GRM7: variants seen among roughly 807,000 people sequenced by gnomAD.
GRM7 encodes the protein metabotropic glutamate receptor 7.
In GRM7, 35 loss-of-function variants were observed where a neutral mutation model predicts 84.5. The ratio of observed to expected loss-of-function variants is 0.41; its 90% CI spans 0.32 to 0.55. GRM7 has a LOEUF of 0.55. Ranked by LOEUF, GRM7 falls within the 20% of genes least tolerant of loss-of-function variation. The pLI is 0.19. For synonymous variants in GRM7, 487 were observed against 455.1 expected, an observed-to-expected ratio of 1.07 and a Z score of -0.89; for missense variants, 1,003 against 1,194.6, an observed-to-expected ratio of 0.84 and a Z score of 2.36.
Position 7,665,366 on chromosome 3 carries a change from G to A in GRM7, c.2452-14683G>A, listed in dbSNP as rs1367235190. On this transcript the variant is annotated intron_variant, in intron 8 of 9. Coordinates refer to ENST00000357716, the MANE Select transcript of GRM7 (RefSeq NM_000844.4). ...TTTTTTTTGTATTTTTAGTAGAGAC[G>A]GGGTTTCACCGTGTTAGCCAGGATG... 5.3e-5 allele frequency among the ~76,000 whole-genome samples: 8 copies of A among 151,574 alleles called. No individual in the cohort carries two copies. In the East Asian group the frequency reaches 5.8e-4, roughly 11 times the overall value.
In GRM7 at chr3:7,360,137, C is replaced by G. The variant is rs569744410; in HGVS notation, c.1033+53485C>G. 4.9e-3 allele frequency among the ~76,000 whole-genome samples: 667 copies of G among 136,022 alleles called. 62 individuals carry two copies. Among genetic ancestry groups the G allele is most frequent in the African/African-American group, 0.019 (645 of 34,278 alleles). The allele number at this position is 136,022 out of a possible 152,430, so 89.2% of individuals were successfully genotyped here. ...CTTTCTCCCCCCCTTTTTTTTCCCT[C>G]TGTGTGTGTGTGTGTGTGTGTGTGT... On this transcript the variant is annotated intron_variant, in intron 4 of 9. Transcript: ENST00000357716.
chr3:7,291,502 CT>C (rs1699621974), intron 2 of GRM7, among the ~76,000 whole-genome samples: 1 of 4,784 alleles, frequency 2.1e-4, no homozygotes, highest in Admixed American at 3.9e-3. Context: ...CTCTCTCTCT[CT>C]CTCTCTCTCT....
intron 8 of GRM7, among the ~76,000 whole-genome samples, chr3:7,606,673 A>C (rs902129152): frequency 7.9e-5 from 12 of 152,102 alleles, no homozygotes; most frequent in African/African-American, 2.9e-4. Flanking sequence ...AGCTGGGATC[A>C]CAGGCGTGCA....
At chr3:7,338,216 A>C (rs1433486456) in intron 4 of GRM7, among the ~76,000 whole-genome samples, 1 of 151,950 alleles carries the variant, frequency 6.6e-6, no homozygotes, top group Non-Finnish European at 1.5e-5. Flanking sequence ...GGAGTTGGAG[A>C]CCATTATTCT....
intron 1 of GRM7, among the ~76,000 whole-genome samples, chr3:6,898,063 G>T (rs772603056): frequency 1.3e-5 from 2 of 152,188 alleles, no homozygotes; most frequent in Non-Finnish European, 2.9e-5. Flanking sequence ...GGTGAACCCA[G>T]TGAGAAGCTA....
In GRM7 at chr3:6,876,202, C is replaced by A. The variant is rs538970700; in HGVS notation, c.519+14295C>A. Among the ~76,000 whole-genome samples the A allele has an allele frequency of 1.7e-3, 250 of 151,360 alleles. 1 individual carries two copies. The highest frequency in any genetic ancestry group is 5.7e-3 in the African/African-American group (235 of 41,156). ...AGAATCGCTTGAACCCGGGAGGCAG[C>A]GGTAGCAATGAGCCGAGATCGCACC... is the stretch of plus-strand genomic sequence containing the variant. On this transcript the variant is annotated intron_variant, in intron 1 of 9. Coordinates refer to ENST00000357716, the MANE Select transcript of GRM7 (RefSeq NM_000844.4).
chr3:7,293,440 C>G (rs949601898), intron 2 of GRM7, among the ~76,000 whole-genome samples: 1 of 152,126 alleles, frequency 6.6e-6, no homozygotes, highest in Non-Finnish European at 1.5e-5. Context: ...CTCTCTCAAG[C>G]CTTTGACAGC....
intron 2 of GRM7, among the ~76,000 whole-genome samples, chr3:7,292,215 G>A (rs1699656647): frequency 6.6e-6 from 1 of 152,090 alleles, no homozygotes; most frequent in Non-Finnish European, 1.5e-5. Context: ...CCCCTCTGTT[G>A]CCTCCATTAA....
chr3:7,641,809 C>G (rs560668783), intron 8 of GRM7, among the ~76,000 whole-genome samples: 1 of 152,210 alleles, frequency 6.6e-6, no homozygotes, highest in East Asian at 1.9e-4. Context: ...AAGACAAGGA[C>G]TTAATGTCTA....
At chr3:7,354,338 G>A (rs569744731) in intron 4 of GRM7, among the ~76,000 whole-genome samples, 6 of 151,514 alleles carry the variant, frequency 4.0e-5, no homozygotes, top group African/African-American at 1.5e-4. Context: ...GATTAATGGA[G>A]TGTTACCTCA....
intron 4 of GRM7, among the ~76,000 whole-genome samples, chr3:7,390,516 C>T (rs1055655881): frequency 1.3e-5 from 2 of 151,924 alleles, no homozygotes; most frequent in African/African-American, 4.8e-5. Flanking sequence ...TTTTATATTT[C>T]TTGAAGGCTT....
intron 4 of GRM7, among the ~76,000 whole-genome samples, chr3:7,369,872 G>A (rs1694060776): frequency 6.6e-6 from 1 of 152,126 alleles, no homozygotes; most frequent in South Asian, 2.1e-4. Flanking sequence ...CTTTTGAATA[G>A]CATAACCGTA....
At chr3:7,271,491 G>A (rs1172863986) in intron 2 of GRM7, among the ~76,000 whole-genome samples, 1 of 150,970 alleles carries the variant, frequency 6.6e-6, no homozygotes, top group African/African-American at 2.4e-5. Flanking sequence ...CCCGGGAGGC[G>A]GAGCTTGCAG....
chr3:7,031,268 T>G (rs1268561956), intron 1 of GRM7, among the ~76,000 whole-genome samples: 1 of 152,092 alleles, frequency 6.6e-6, no homozygotes, highest in Non-Finnish European at 1.5e-5. Context: ...CACCTAAAAT[T>G]CCCTTGAAAT....
At chr3:7,195,075 C>T (rs761934711) in intron 2 of GRM7, among the ~76,000 whole-genome samples, 9 of 152,094 alleles carry the variant, frequency 5.9e-5, no homozygotes, top group Non-Finnish European at 7.4e-5. Context: ...ATCAGTCATC[C>T]GGTCCCTAAT....
intron 1 of GRM7, among the ~76,000 whole-genome samples, chr3:6,926,465 T>C (rs1212328092): frequency 6.6e-6 from 1 of 152,210 alleles, no homozygotes; most frequent in Non-Finnish European, 1.5e-5. Context: ...TCCTGAATGT[T>C]AGCTAAAATG....
At chr3:7,064,477 T>C (rs372616249) in intron 1 of GRM7, among the ~76,000 whole-genome samples, 6 of 85,480 alleles carry the variant, frequency 7.0e-5, no homozygotes, top group Middle Eastern at 6.1e-3. Flanking sequence ...TATATATATA[T>C]ATACACACAT....
intron 4 of GRM7, among the ~76,000 whole-genome samples, chr3:7,321,964 T>C (rs1700800173): frequency 6.6e-6 from 1 of 152,098 alleles, no homozygotes; most frequent in Non-Finnish European, 1.5e-5. Flanking sequence ...GAATGGCCTC[T>C]GGCAAATTAG....
At chr3:7,517,911 C>T (rs1700451906) in intron 7 of GRM7, among the ~76,000 whole-genome samples, 1 of 152,210 alleles carries the variant, frequency 6.6e-6, no homozygotes, top group African/African-American at 2.4e-5. Flanking sequence ...TGCATATTTA[C>T]AGCGGCTCAG....
Sources: allele counts gnomAD v4.1 joint callset (sites outside exome capture counted in the v4.1 genomes callset), GRCh38; gene constraint gnomAD v4.1.1; transcripts MANE v1.5; gene names NCBI Gene and HGNC (gene_info 2026-07-23, HGNC 2026-07-21).